Variants in MAST2 observed in about 807,000 individuals in gnomAD.
MAST2 encodes the protein microtubule associated serine/threonine kinase 2.
A neutral mutation model predicts 147.4 loss-of-function variants in MAST2; 70 were observed. The observed-to-expected ratio is 0.47, with a 90% CI of 0.39 to 0.58. MAST2 has a LOEUF of 0.58. Ranked by LOEUF, MAST2 falls within the 20% of genes least tolerant of loss-of-function variation. The pLI, the probability that MAST2 is intolerant of heterozygous loss-of-function variation, is 0.00. For synonymous variants in MAST2, 869 were observed against 896.8 expected (o/e 0.97, Z 0.55); for missense variants, 2,080 against 2,302.3 (o/e 0.90, Z 1.98).
At chr1:45,892,007 A>G (rs1172144172) in intron 4 of MAST2, among the ~76,000 whole-genome samples, 5 of 152,194 alleles carry the variant, frequency 3.3e-5, no homozygotes, top group Non-Finnish European at 5.9e-5. Flanking sequence ...CTGTAAAGCC[A>G]GATACCAGGC....
intron 3 of MAST2, among the ~76,000 whole-genome samples, chr1:45,834,612 G>A (rs1311034157): frequency 6.6e-6 from 1 of 152,124 alleles, no homozygotes; most frequent in Non-Finnish European, 1.5e-5. Flanking sequence ...GTTATTATTT[G>A]TATTCTTAAA....
intron 1 of MAST2, among the ~76,000 whole-genome samples, chr1:45,817,849 C>G (rs1157219851): frequency 6.6e-6 from 1 of 152,156 alleles, no homozygotes; most frequent in East Asian, 1.9e-4. Flanking sequence ...TAACTAGGCT[C>G]AAACACATCT....
intron 5 of MAST2, among the ~76,000 whole-genome samples, chr1:45,983,161 A>G (rs993674818): frequency 6.6e-6 from 1 of 152,210 alleles, no homozygotes; most frequent in Non-Finnish European, 1.5e-5. Context: ...GGTAATGTAG[A>G]ATGTTGAATT....
chr1:45,960,630 A>G (rs968228185), intron 5 of MAST2, among the ~76,000 whole-genome samples: 6 of 152,212 alleles, frequency 3.9e-5, no homozygotes, highest in Non-Finnish European at 8.8e-5. Context: ...TAGAAGGTAT[A>G]TTCTTGTATC....
intron 3 of MAST2, among the ~76,000 whole-genome samples, chr1:45,872,289 G>C (rs1166662424): frequency 3.9e-5 from 6 of 152,198 alleles, no homozygotes; most frequent in Non-Finnish European, 8.8e-5. Context: ...GCTGGTGACT[G>C]TTGACATAAA....
At chr1:45,877,353 A>C (rs968198933) in intron 3 of MAST2, among the ~76,000 whole-genome samples, 9 of 152,144 alleles carry the variant, frequency 5.9e-5, no homozygotes, top group African/African-American at 2.2e-4. Flanking sequence ...CAATCTCCTG[A>C]GTAGCTGGGA....
At chr1:45,841,695 A>G (rs1338746088) in intron 3 of MAST2, among the ~76,000 whole-genome samples, 1 of 152,202 alleles carries the variant, frequency 6.6e-6, no homozygotes, top group Non-Finnish European at 1.5e-5. Flanking sequence ...AGGTTTAGAA[A>G]GGAAAGTTTT....
At chr1:46,000,693 A>G (rs190484063) in intron 6 of MAST2, among the ~76,000 whole-genome samples, 6 of 152,308 alleles carry the variant, frequency 3.9e-5, no homozygotes, top group Admixed American at 3.9e-4. Flanking sequence ...AAGTGTTTCA[A>G]CCCTGCCAAA....
Position 46,035,706 on chromosome 1 carries a change from G to A in MAST2, c.5037G>A (p.Gly1679=). ...GCAGAAAGGCAACCATGGCAGGTGG[G>A]CTAGCCAACCTCCAGGATTTGGAAA... is the stretch of plus-strand genomic sequence containing the variant. ...SPSRKATMAG[G]LANLQDLENT... Residue 1679 remains glycine (G), a synonymous_variant, in exon 29 of 29, where the codon GGG becomes GGA. Coordinates refer to ENST00000361297, the MANE Select transcript of MAST2 (RefSeq NM_015112.3). The surrounding 1 kb of genome is among the most constrained non-coding windows in gnomAD (Gnocchi z 5.5). The A allele has an allele frequency of 1.2e-6, 2 of 1,613,974 alleles. No homozygotes were observed. Among genetic ancestry groups the A allele is most frequent in the Non-Finnish European group, 1.7e-6 (2 of 1,180,018 alleles).
chr1:45,812,645 A>G (rs1644338642), intron 1 of MAST2, among the ~76,000 whole-genome samples: 1 of 151,920 alleles, frequency 6.6e-6, no homozygotes, highest in African/African-American at 2.4e-5. Flanking sequence ...AGGCTGTCTC[A>G]AACTCTCGAC....
intron 4 of MAST2, among the ~76,000 whole-genome samples, chr1:45,884,330 C>T (rs1356604505): frequency 1.3e-5 from 2 of 152,004 alleles, no homozygotes; most frequent in Non-Finnish European, 2.9e-5. Flanking sequence ...GGTGGATCAC[C>T]TGAGGTCAGT....
At chr1:45,911,377 A>AT (rs1651625105) in intron 4 of MAST2, among the ~76,000 whole-genome samples, 1 of 152,204 alleles carries the variant, frequency 6.6e-6, no homozygotes, top group Admixed American at 6.5e-5. Context: ...CTTTGGCATT[A>AT]TTTAAGGAGC....
intron 5 of MAST2, among the ~76,000 whole-genome samples, chr1:45,965,634 C>G (rs1414600723): frequency 2.0e-5 from 3 of 152,070 alleles, no homozygotes; most frequent in African/African-American, 7.2e-5. Flanking sequence ...TATTAAATAT[C>G]TACTACATAA....
chr1:45,874,477 A>T (rs1240413523), intron 3 of MAST2, among the ~76,000 whole-genome samples: 1 of 152,204 alleles, frequency 6.6e-6, no homozygotes, highest in African/African-American at 2.4e-5. Flanking sequence ...AGTAAATAAT[A>T]TGTGATAATA....
chr1:45,930,586 A>G (rs1448214481), intron 4 of MAST2, among the ~76,000 whole-genome samples: 1 of 152,158 alleles, frequency 6.6e-6, no homozygotes, highest in Non-Finnish European at 1.5e-5. Context: ...GGGTAGAGTA[A>G]AAGGGATGCT....
At chr1:46,030,894 G>A in intron 22 of MAST2, 113 bp from the exon 23 acceptor site, 1 of 1,475,874 alleles carries the variant, frequency 6.8e-7, no homozygotes. Flanking sequence ...GGCTCCTGGA[G>A]GAATGTCTGC....
At chr1:45,997,396 G>A (rs1645099763) in intron 5 of MAST2, among the ~76,000 whole-genome samples, 1 of 152,170 alleles carries the variant, frequency 6.6e-6, no homozygotes, top group Non-Finnish European at 1.5e-5. Flanking sequence ...GACTGAATGA[G>A]CTCTTTAAGC....
intron 3 of MAST2, among the ~76,000 whole-genome samples, chr1:45,851,924 A>G (rs1484813862): frequency 6.6e-6 from 1 of 152,170 alleles, no homozygotes; most frequent in African/African-American, 2.4e-5. Context: ...ATAGGGAGAT[A>G]CTAAAATGAA....
chr1:45,820,381 G>A (rs1286679221), intron 1 of MAST2, among the ~76,000 whole-genome samples: 1 of 152,068 alleles, frequency 6.6e-6, no homozygotes, highest in Admixed American at 6.6e-5. Flanking sequence ...TTCCTTTTGT[G>A]TGTGTTTTTT....
Sources: gnomAD v4.1 joint callset for allele counts (sites outside exome capture counted in the v4.1 genomes callset) on GRCh38, gnomAD v4.1.1 for gene constraint, Gnocchi (gnomAD v3.1) non-coding constraint, MANE v1.5 for transcripts, NCBI Gene and HGNC (gene_info 2026-07-23, HGNC 2026-07-21) for gene names.